RBFOX1: variants seen among roughly 807,000 people sequenced by gnomAD.
RBFOX1 encodes the protein RNA binding fox-1 homolog 1, also known as RNA binding protein fox-1 homolog 1.
Under a neutral mutation model 57.7 loss-of-function variants are expected in RBFOX1, and 8 were observed. That is an observed-to-expected ratio of 0.14 (90% CI 0.08 to 0.25). The LOEUF is 0.25. Among genes scored for constraint, RBFOX1 ranks in the 10% least tolerant of loss-of-function variants. The probability of loss-of-function intolerance (pLI) is 1.00; values close to 1 mark genes in which losing one functional copy is unlikely to be tolerated. For missense variants in RBFOX1, 611 were observed against 548.5 expected, an observed-to-expected ratio of 1.11 and a Z score of -1.14; for synonymous variants, 326 against 222.4, an observed-to-expected ratio of 1.47 and a Z score of -4.15.
intron 1 of RBFOX1, among the ~76,000 whole-genome samples, chr16:6,074,539 A>G (rs1432902690): frequency 6.6e-6 from 1 of 152,216 alleles, no homozygotes; most frequent in African/African-American, 2.4e-5. Flanking sequence ...TGTTAAAGAC[A>G]GAATGAAAGA....
intron 3 of RBFOX1, among the ~76,000 whole-genome samples, chr16:6,832,035 A>C (rs1283146070): frequency 1.3e-5 from 2 of 152,256 alleles, no homozygotes; most frequent in Non-Finnish European, 2.9e-5. Context: ...ATTCATTGAC[A>C]GCCTGCACTT....
At chr16:5,400,388 C>T (rs931610052) in intron 1 of RBFOX1, among the ~76,000 whole-genome samples, 11 of 152,120 alleles carry the variant, frequency 7.2e-5, no homozygotes, top group African/African-American at 2.2e-4. Context: ...CCACCACACC[C>T]GGCCACTGCT....
intron 3 of RBFOX1, among the ~76,000 whole-genome samples, chr16:5,753,799 T>C (rs2053299339): frequency 6.6e-6 from 1 of 151,936 alleles, no homozygotes; most frequent in Non-Finnish European, 1.5e-5. Context: ...TCCATCTCAT[T>C]TCATCCTCAG....
chr16:7,386,940 T>C (rs923397137), intron 4 of RBFOX1, among the ~76,000 whole-genome samples: 1 of 152,232 alleles, frequency 6.6e-6, no homozygotes, highest in Admixed American at 6.5e-5. Flanking sequence ...TGAGATGTTA[T>C]CTCATTGTGG....
At chr16:7,142,958 G>A (rs1316848493) in intron 4 of RBFOX1, among the ~76,000 whole-genome samples, 1 of 149,328 alleles carries the variant, frequency 6.7e-6, no homozygotes, top group Non-Finnish European at 1.5e-5. Context: ...TGATATAGCT[G>A]GTTTCTGACC....
At chr16:6,117,650 G>A (rs1026944614) in intron 1 of RBFOX1, among the ~76,000 whole-genome samples, 1 of 152,232 alleles carries the variant, frequency 6.6e-6, no homozygotes, top group Admixed American at 6.5e-5. Context: ...CTCAACAACT[G>A]AGCCTGCTGG....
At chr16:6,025,138 G>T (rs1195310235) in intron 1 of RBFOX1, among the ~76,000 whole-genome samples, 1 of 152,188 alleles carries the variant, frequency 6.6e-6, no homozygotes, top group African/African-American at 2.4e-5. Context: ...TGGGAAAATT[G>T]TTAGGTGTTT....
intron 1 of RBFOX1, among the ~76,000 whole-genome samples, chr16:6,108,889 A>G (rs1455642578): frequency 6.6e-6 from 1 of 152,048 alleles, no homozygotes; most frequent in African/African-American, 2.4e-5. Context: ...GATTGTATTA[A>G]TATTTCGGAC....
intron 4 of RBFOX1, among the ~76,000 whole-genome samples, chr16:7,127,197 A>C (rs1337661816): frequency 6.6e-6 from 1 of 152,138 alleles, no homozygotes; most frequent in African/African-American, 2.4e-5. Context: ...ACTAGCCACA[A>C]ATGCCTCCGA....
chr16:7,236,497 C>G (rs770249631), intron 4 of RBFOX1, among the ~76,000 whole-genome samples: 1 of 152,110 alleles, frequency 6.6e-6, no homozygotes, highest in Non-Finnish European at 1.5e-5. Flanking sequence ...CTAAATGCAT[C>G]CATCCCATTG....
At chr16:6,818,217 C>T (rs559670940) in intron 3 of RBFOX1, among the ~76,000 whole-genome samples, 8 of 152,132 alleles carry the variant, frequency 5.3e-5, no homozygotes, top group East Asian at 3.9e-4. Context: ...GTTTGGCCAA[C>T]GAAATGTTAG....
intron 3 of RBFOX1, among the ~76,000 whole-genome samples, chr16:6,842,991 G>C (rs760498549): frequency 4.6e-5 from 7 of 152,118 alleles, no homozygotes; most frequent in Non-Finnish European, 8.8e-5. Flanking sequence ...TCCTTGCAAA[G>C]GATATGATCT....
At chr16:6,850,539 C>G (rs1279038776) in intron 3 of RBFOX1, among the ~76,000 whole-genome samples, 1 of 152,026 alleles carries the variant, frequency 6.6e-6, no homozygotes, top group Non-Finnish European at 1.5e-5. Flanking sequence ...GAAACAAGGC[C>G]AGATCTGTAC....
chr16:7,080,095 A>G (rs2058963604), intron 4 of RBFOX1, among the ~76,000 whole-genome samples: 1 of 147,268 alleles, frequency 6.8e-6, no homozygotes, highest in South Asian at 2.1e-4. Context: ...ATATATGTAT[A>G]TATATATAAA....
chr16:6,513,607 G>A (rs1207150880), intron 2 of RBFOX1, among the ~76,000 whole-genome samples: 12 of 152,118 alleles, frequency 7.9e-5, no homozygotes, highest in African/African-American at 1.9e-4. Flanking sequence ...GGTGGCACAC[G>A]CCTGTAATGA....
At chr16:7,304,422 G>C (rs971637176) in intron 4 of RBFOX1, 2 of 985,242 alleles carry the variant, frequency 2.0e-6, no homozygotes, top group Admixed American at 6.1e-5. Flanking sequence ...CCTGCGTGGC[G>C]CTCCCCAACG....
chr16:6,587,815 AT>A (rs2097651604), intron 2 of RBFOX1, among the ~76,000 whole-genome samples: 1 of 152,188 alleles, frequency 6.6e-6, no homozygotes, highest in Non-Finnish European at 1.5e-5. Flanking sequence ...AATGATTAAC[AT>A]TTTGTGACAT....
chr16:5,789,092 T>G (rs1567543837), intron 3 of RBFOX1, among the ~76,000 whole-genome samples: 1 of 152,158 alleles, frequency 6.6e-6, no homozygotes, highest in Non-Finnish European at 1.5e-5. Context: ...TCTCTCTCCC[T>G]CTTCCTCTCT....
intron 4 of RBFOX1, among the ~76,000 whole-genome samples, chr16:7,332,332 C>G (rs2096709072): frequency 6.6e-6 from 1 of 152,222 alleles, no homozygotes; most frequent in South Asian, 2.1e-4. Context: ...CTCTGTCTCT[C>G]TGCGTAGCAC....
Sources: gnomAD v4.1 joint callset for allele counts (sites outside exome capture counted in the v4.1 genomes callset) on GRCh38, gnomAD v4.1.1 for gene constraint, MANE v1.5 for transcripts, NCBI Gene and HGNC (gene_info 2026-07-23, HGNC 2026-07-21) for gene names.